The following COA8 variants were observed in gnomAD, a reference collection of about 807,000 sequenced individuals.
COA8 encodes cytochrome c oxidase assembly factor 8, also known as UPF0671 protein C14orf153.
COA8 carries 20 observed loss-of-function variants against 22.0 expected under a neutral mutation model. The ratio of observed to expected loss-of-function variants is 0.91; its 90% CI spans 0.64 to 1.32. COA8 has a LOEUF of 1.32. Ranked by LOEUF, COA8 falls within the 40% of genes most tolerant of loss-of-function variation. The pLI, the probability that COA8 is intolerant of heterozygous loss-of-function variation, is 0.00. For missense variants in COA8, 266 were observed against 230.0 expected, an observed-to-expected ratio of 1.16 and a Z score of -1.01; for synonymous variants, 105 against 79.9, an observed-to-expected ratio of 1.31 and a Z score of -1.68.
At chr14:103,585,512 G>A (rs1472554374) in intron 3 of COA8, among the ~76,000 whole-genome samples, 1 of 148,996 alleles carries the variant, frequency 6.7e-6, no homozygotes, top group Middle Eastern at 3.2e-3. Flanking sequence ...ACATATTCTC[G>A]ATACTAGACC....
In COA8 at chr14:103,590,467, T is replaced by C; in HGVS notation, c.*181T>C. ...GCACTGTGGGCCGCCTGCCTGCTGA[T>C]GTGGGCTCTAGGCCAGCTTGTTGTC... On this transcript the variant is annotated 3_prime_UTR_variant, in exon 5 of 5. Coordinates refer to ENST00000409074, the MANE Select transcript of COA8 (RefSeq NM_001370595.2). 1 of 580,424 alleles carries C rather than the reference T, an allele frequency of 1.7e-6. No homozygotes were observed. The highest frequency in any genetic ancestry group is 3.0e-6 in the Non-Finnish European group (1 of 328,796). The allele number at this position is 580,424 out of a possible 1,614,324, so 36.0% of individuals were successfully genotyped here. A position where few individuals can be genotyped will look rare whatever the true frequency, so the allele number is the denominator to read the frequency against.
intron 3 of COA8, among the ~76,000 whole-genome samples, chr14:103,574,964 C>A (rs10129298): frequency 0.019 from 2,941 of 152,320 alleles, 95 homozygotes; most frequent in African/African-American, 0.066. Flanking sequence ...GTTATCTTTA[C>A]CATTTTATAG....
At chr14:103,572,846 G>A (rs1222015032) in intron 2 of COA8, among the ~76,000 whole-genome samples, 7 of 151,480 alleles carry the variant, frequency 4.6e-5, no homozygotes, top group Non-Finnish European at 8.8e-5. Flanking sequence ...GCAGTGGTGC[G>A]ATCTCAGCTT....
intron 3 of COA8, chr14:103,579,515 A>C (rs1283489900): frequency 6.5e-6 from 1 of 152,860 alleles, no homozygotes; most frequent in African/African-American, 2.4e-5. Context: ...CACCTGACTA[A>C]TTTTTGTATT....
chr14:103,563,484 T>G, intron 1 of COA8: 2 of 395,106 alleles, frequency 5.1e-6, no homozygotes, highest in South Asian at 4.4e-5. Context: ...GTGTGTGTTT[T>G]GGCTTTGTTA....
In COA8 at chr14:103,590,595, C is replaced by A. The variant is rs1315129004; in HGVS notation, c.*309C>A. On this transcript the variant is annotated 3_prime_UTR_variant, in exon 5 of 5. Transcript: ENST00000409074. ...ACTATTTAAAAATATTGGCCAGGCA[C>A]GGTGGCTCACACCTGTAATCCCAGC... 4.4e-6 allele frequency: 1 copy of A among 227,396 alleles called. No individual in the cohort carries two copies. The highest frequency in any genetic ancestry group is 8.7e-6 in the Non-Finnish European group (1 of 114,734). The allele number at this position is 227,396 out of a possible 1,614,324, so 14.1% of individuals were successfully genotyped here. A position where few individuals can be genotyped will look rare whatever the true frequency, so the allele number is the denominator to read the frequency against.
chr14:103,575,718 G>A (rs1447020758), intron 3 of COA8, among the ~76,000 whole-genome samples: 1 of 151,930 alleles, frequency 6.6e-6, no homozygotes. Flanking sequence ...TTTGTTTCTT[G>A]AGTCAGGGTC....
chr14:103,579,460 T>C, intron 3 of COA8: 1 of 175,624 alleles, frequency 5.7e-6, no homozygotes, highest in South Asian at 8.7e-5. Flanking sequence ...GCGATTCTCC[T>C]GCCTCAGCCT....
intron 4 of COA8, among the ~76,000 whole-genome samples, chr14:103,587,597 T>C (rs1189862306): frequency 6.7e-6 from 1 of 148,460 alleles, no homozygotes; most frequent in Non-Finnish European, 1.5e-5. Flanking sequence ...AAGCTCCGCC[T>C]CCTGGGTTCA....
At position 103,574,115 on chromosome 14, in the gene COA8, A is replaced by G. The variant is rs1259194625; in HGVS notation, c.330A>G (p.Glu110=). 2 of 1,502,100 alleles carry G rather than the reference A, an allele frequency of 1.3e-6. No homozygotes were observed. The highest frequency in any genetic ancestry group is 1.8e-4 in the Middle Eastern group (1 of 5,630). 93.0% of individuals were successfully genotyped at this position (1,502,100 alleles called of 1,614,324 possible). A position where few individuals can be genotyped will look rare whatever the true frequency, so the allele number is the denominator to read the frequency against. ...NQNLTFSKEK[E]EFIHSRLKTK... is the part of the protein sequence containing the mutation. ...TTTTTTTTTTTTTTAAGGAAAAAGA[A>G]GAATTTATTCACTCAAGACTAAAAA... Residue 110 remains glutamate (E), a synonymous_variant, in exon 3 of 5, where the codon GAA becomes GAG. Transcript: ENST00000409074.
At chr14:103,564,938 G>T (rs948366308) in intron 1 of COA8, among the ~76,000 whole-genome samples, 1 of 151,852 alleles carries the variant, frequency 6.6e-6, no homozygotes, top group South Asian at 2.1e-4. Flanking sequence ...CAAGATGAGA[G>T]ACCTCTCTGC....
At chr14:103,573,441 G>A (rs909285256) in intron 2 of COA8, among the ~76,000 whole-genome samples, 3 of 152,058 alleles carry the variant, frequency 2.0e-5, no homozygotes, top group Non-Finnish European at 4.4e-5. Context: ...AAAGTGCTGG[G>A]ATTACAGGCA....
At chr14:103,567,866 G>A (rs1215184544) in intron 1 of COA8, among the ~76,000 whole-genome samples, 1 of 152,168 alleles carries the variant, frequency 6.6e-6, no homozygotes, top group African/African-American at 2.4e-5. Flanking sequence ...TTGGGTGAAA[G>A]TGTTCCAGCC....
intron 2 of COA8, among the ~76,000 whole-genome samples, chr14:103,573,229 A>G (rs1028492026): frequency 3.3e-5 from 5 of 149,768 alleles, no homozygotes; most frequent in East Asian, 2.0e-4. Flanking sequence ...GAGTGCAGTG[A>G]CATGATCTCA....
intron 3 of COA8, among the ~76,000 whole-genome samples, chr14:103,586,536 T>C (rs558973078): frequency 5.2e-4 from 79 of 151,834 alleles, no homozygotes; most frequent in Non-Finnish European, 9.3e-4. Flanking sequence ...AGAGATGAGG[T>C]TTTACCATGT....
chr14:103,587,651 G>A (rs2076319229), intron 4 of COA8, among the ~76,000 whole-genome samples: 2 of 151,536 alleles, frequency 1.3e-5, no homozygotes, highest in South Asian at 2.1e-4. Flanking sequence ...GGGACTACAG[G>A]CACCCGCCAG....
intron 1 of COA8, chr14:103,563,355 C>T: frequency 1.4e-6 from 1 of 698,322 alleles, no homozygotes; most frequent in South Asian, 1.5e-5. Flanking sequence ...ACAGCCAGAA[C>T]CTTTAAGCGT....
intron 3 of COA8, among the ~76,000 whole-genome samples, chr14:103,586,303 G>C (rs567656327): frequency 6.7e-6 from 1 of 148,886 alleles, no homozygotes; most frequent in South Asian, 2.1e-4. Context: ...GAACTCCTGG[G>C]CTCAGGTGAC....
rs1275484620 is a variant in COA8 at position 103,590,801 on chromosome 14, T to A, written c.*515T>A. 1 of 152,470 alleles carries A rather than the reference T, an allele frequency of 6.6e-6. No homozygotes were observed. The highest frequency in any genetic ancestry group is 1.9e-4 in the East Asian group (1 of 5,190). The allele number at this position is 152,470 out of a possible 1,614,324, so 9.4% of individuals were successfully genotyped here. ...TGAACCCAGGAGGCGGAGGTTGCAG[T>A]GATCCAAGATCGCACCACTGCACTC... On this transcript the variant is annotated 3_prime_UTR_variant, in exon 5 of 5. Coordinates refer to ENST00000409074, the MANE Select transcript of COA8 (RefSeq NM_001370595.2).
Sources: allele counts gnomAD v4.1 joint callset (sites outside exome capture counted in the v4.1 genomes callset), GRCh38; gene constraint gnomAD v4.1.1; transcripts MANE v1.5; gene names NCBI Gene and HGNC (gene_info 2026-07-23, HGNC 2026-07-21).